Variants in FKBP5 observed in about 807,000 individuals in gnomAD.
FKBP5 encodes the protein FKBP prolyl isomerase 5.
Under a neutral mutation model 50.5 loss-of-function variants are expected in FKBP5, and 23 were observed. The ratio of observed to expected loss-of-function variants is 0.46; its 90% CI spans 0.33 to 0.65. FKBP5 has a LOEUF of 0.65. Ranked by LOEUF, FKBP5 falls within the 30% of genes least tolerant of loss-of-function variation. The pLI is 0.02. For synonymous variants in FKBP5, 176 were observed against 190.6 expected, an observed-to-expected ratio of 0.92 and a Z score of 0.63; for missense variants, 411 against 553.1, an observed-to-expected ratio of 0.74 and a Z score of 2.58.
At chr6:35,617,721 A>G (rs1763704587) in intron 5 of FKBP5, among the ~76,000 whole-genome samples, 2 of 152,254 alleles carry the variant, frequency 1.3e-5, no homozygotes, top group Admixed American at 1.3e-4. Flanking sequence ...TGAACACAAA[A>G]GGATGAAGAA....
intron 1 of FKBP5, among the ~76,000 whole-genome samples, chr6:35,672,207 TTGTTATAAAGGGTA>T (rs1765407210): frequency 6.6e-6 from 1 of 151,952 alleles, no homozygotes; most frequent in Non-Finnish European, 1.5e-5. Flanking sequence ...AAGATAAAAT[TTGTTATAAAGGGTA>T]ATCATCCAAA....
intron 1 of FKBP5, among the ~76,000 whole-genome samples, chr6:35,672,188 C>T (rs1189871692): frequency 6.6e-6 from 1 of 151,756 alleles, no homozygotes; most frequent in African/African-American, 2.4e-5. Flanking sequence ...CGCTTAATAG[C>T]ATAATTAGAA....
chr6:35,577,534 G>A (rs554409304), intron 9 of FKBP5, among the ~76,000 whole-genome samples: 2 of 152,270 alleles, frequency 1.3e-5, no homozygotes, highest in South Asian at 4.1e-4. Context: ...AAAAAAATAA[G>A]AGGCACTTGT....
intron 2 of FKBP5, among the ~76,000 whole-genome samples, chr6:35,714,451 T>TC (rs1373519457): frequency 1.3e-5 from 1 of 77,326 alleles, no homozygotes; most frequent in Admixed American, 1.5e-4. Flanking sequence ...AAACACTGCC[T>TC]CAAAAAAAAA....
intron 1 of FKBP5, among the ~76,000 whole-genome samples, chr6:35,674,188 GAGAA>G (rs1277248591): frequency 1.3e-5 from 2 of 152,154 alleles, no homozygotes; most frequent in African/African-American, 4.8e-5. Context: ...CAGAGAAAAA[GAGAA>G]AGCCAAAAAC....
chr6:35,687,672 CT>C (rs995320215), intron 1 of FKBP5, among the ~76,000 whole-genome samples: 77 of 152,344 alleles, frequency 5.1e-4, no homozygotes, highest in African/African-American at 1.8e-3. Flanking sequence ...CCTTATTCCA[CT>C]GGAAAACATA....
rs1054344182 is a variant in FKBP5 at position 35,660,741 on chromosome 6, G to T, written c.-19-17898C>A. 6.0e-5 allele frequency among the ~76,000 whole-genome samples: 5 copies of T among 83,396 alleles called. 2 individuals carry two copies. The highest frequency in any genetic ancestry group is 1.9e-4 in the African/African-American group (5 of 26,916). The allele number at this position is 83,396 out of a possible 152,430, so 54.7% of individuals were successfully genotyped here. On this transcript the variant is annotated intron_variant, in intron 1 of 10. Transcript: ENST00000357266. ...CTTCTAAATTATTTTTTGTCTACTT[G>T]TTCTATCAATTATTGAGAGACAGGT... is the stretch of plus-strand genomic sequence containing the variant.
chr6:35,698,914 C>T (rs912991548), intron 2 of FKBP5, among the ~76,000 whole-genome samples: 2 of 152,190 alleles, frequency 1.3e-5, no homozygotes, highest in African/African-American at 4.8e-5. Flanking sequence ...GAGAAATCCA[C>T]CCCTATGATC....
At chr6:35,647,411 A>G (rs899712475) in intron 1 of FKBP5, among the ~76,000 whole-genome samples, 2 of 152,216 alleles carry the variant, frequency 1.3e-5, no homozygotes, top group Admixed American at 6.5e-5. Flanking sequence ...GACAAGAAAA[A>G]GTTTTTAAAA....
chr6:35,625,378 C>A (rs1048640836), intron 3 of FKBP5, among the ~76,000 whole-genome samples: 20 of 152,070 alleles, frequency 1.3e-4, no homozygotes, highest in Non-Finnish European at 2.4e-4. Context: ...AGTCACCATG[C>A]CCAACCCCCA....
intron 2 of FKBP5, among the ~76,000 whole-genome samples, chr6:35,703,071 G>A (rs549711432): frequency 9.2e-5 from 14 of 152,150 alleles, no homozygotes; most frequent in South Asian, 8.3e-4. Flanking sequence ...CCAACATGGC[G>A]AAACCCTGTC....
chr6:35,655,166 CAG>C (rs926198249), intron 1 of FKBP5, among the ~76,000 whole-genome samples: 2 of 151,978 alleles, frequency 1.3e-5, no homozygotes, highest in African/African-American at 4.8e-5. Flanking sequence ...TAAAAAGAAA[CAG>C]AAATTTAAAA....
intron 6 of FKBP5, among the ~76,000 whole-genome samples, chr6:35,592,347 A>T: frequency 6.6e-6 from 1 of 152,322 alleles, no homozygotes; most frequent in African/African-American, 2.4e-5. Context: ...CCAGGAATAA[A>T]AATGCTTACT....
chr6:35,663,042 G>T (rs1440752900), intron 1 of FKBP5, among the ~76,000 whole-genome samples: 1 of 152,192 alleles, frequency 6.6e-6, no homozygotes, highest in Non-Finnish European at 1.5e-5. Context: ...ACCGGCAAGG[G>T]TGTGGCAAGA....
At chr6:35,585,737 T>A in intron 8 of FKBP5, 1 of 980,594 alleles carries the variant, frequency 1.0e-6, no homozygotes, top group Non-Finnish European at 1.2e-6. Flanking sequence ...TACTTACTCA[T>A]ACACAAGCAA....
chr6:35,578,310 G>GA (rs1762293457), intron 9 of FKBP5, among the ~76,000 whole-genome samples: 1 of 152,008 alleles, frequency 6.6e-6, no homozygotes, highest in Non-Finnish European at 1.5e-5. Flanking sequence ...CTCAGCCTCC[G>GA]AAAGTCCTGG....
At chr6:35,721,876 G>A (rs548102944) in intron 1 of FKBP5, among the ~76,000 whole-genome samples, 1 of 152,346 alleles carries the variant, frequency 6.6e-6, no homozygotes, top group African/African-American at 2.4e-5. Context: ...CCTTGCAGAG[G>A]ATTACTGGAG....
At chr6:35,578,497 G>A (rs1762299968) in intron 9 of FKBP5, among the ~76,000 whole-genome samples, 1 of 152,128 alleles carries the variant, frequency 6.6e-6, no homozygotes, top group Non-Finnish European at 1.5e-5. Flanking sequence ...GCTGGGTTGT[G>A]GTGGCTCACA....
At chr6:35,606,659 CAAAAAAAAAAAAAAAAAAAAAA>C (rs61139697) in intron 5 of FKBP5, among the ~76,000 whole-genome samples, 7 of 25,134 alleles carry the variant, frequency 2.8e-4, no homozygotes, top group South Asian at 2.6e-3. Flanking sequence ...GACTCCGTCT[CAAAAAAAAAAAAAAAAAAAAAA>C]AAAAAAAAAA....
Sources: gnomAD v4.1 joint callset for allele counts (sites outside exome capture counted in the v4.1 genomes callset) on GRCh38, gnomAD v4.1.1 for gene constraint, MANE v1.5 for transcripts, NCBI Gene and HGNC (gene_info 2026-07-23, HGNC 2026-07-21) for gene names.